Variants in EPAS1 observed in about 807,000 individuals in gnomAD.
EPAS1 encodes endothelial PAS domain-containing protein 1.
A neutral mutation model predicts 87.9 loss-of-function variants in EPAS1; 23 were observed. The observed-to-expected ratio is 0.26, with a 90% CI of 0.19 to 0.37. EPAS1 has a LOEUF of 0.37. EPAS1 is among the 10% of genes least tolerant of loss of function. The pLI, the probability that EPAS1 is intolerant of heterozygous loss-of-function variation, is 1.00. For missense variants in EPAS1, 1,138 were observed against 1,120.7 expected (o/e 1.02, Z -0.22); for synonymous variants, 508 against 444.3 (o/e 1.14, Z -1.80).
Position 46,375,921 on chromosome 2 carries a change from A to T in EPAS1, c.1034+84A>T. 5 of 1,592,190 alleles carry T rather than the reference A, an allele frequency of 3.1e-6. No homozygotes were observed. Among genetic ancestry groups the T allele is most frequent in the Non-Finnish European group, 3.4e-6 (4 of 1,162,350 alleles). On this transcript the variant is annotated intron_variant, in intron 8 of 15. Coordinates refer to ENST00000263734, the MANE Select transcript of EPAS1 (RefSeq NM_001430.5). This position sits in a 1 kb window ranked among gnomAD's most constrained non-coding sequence, Gnocchi z 4.1. ...CCAGACTCAGGATGACAGGCCTAGG[A>T]GATGCCAGGCCTCTCAGCGCCCTGG...
intron 6 of EPAS1, among the ~76,000 whole-genome samples, chr2:46,366,592 G>A (rs140607746): frequency 5.7e-3 from 864 of 152,198 alleles, no homozygotes; most frequent in Middle Eastern, 0.01. Flanking sequence ...TTGAAATCTG[G>A]TGAATTAAGT....
At chr2:46,310,864 A>G (rs1159727866) in intron 1 of EPAS1, among the ~76,000 whole-genome samples, 1 of 151,866 alleles carries the variant, frequency 6.6e-6, no homozygotes, top group South Asian at 2.1e-4. Flanking sequence ...TTAACCTCAC[A>G]ATGACAACTG....
intron 1 of EPAS1, among the ~76,000 whole-genome samples, chr2:46,337,572 G>C (rs1445590823): frequency 2.0e-5 from 3 of 152,136 alleles, no homozygotes; most frequent in African/African-American, 7.2e-5. Context: ...CAATTTCTTT[G>C]TCAATTTTCT....
intron 1 of EPAS1, among the ~76,000 whole-genome samples, chr2:46,336,309 C>A (rs1160272843): frequency 1.3e-5 from 2 of 152,100 alleles, no homozygotes; most frequent in Admixed American, 6.5e-5. Flanking sequence ...CTGGTACTTA[C>A]AGCACAGTTA....
At chr2:46,315,021 A>C (rs1683283789) in intron 1 of EPAS1, among the ~76,000 whole-genome samples, 1 of 152,112 alleles carries the variant, frequency 6.6e-6, no homozygotes, top group Non-Finnish European at 1.5e-5. Flanking sequence ...ACTAGGTCAC[A>C]CTGCACTCCC....
At chr2:46,343,894 G>T (rs1245689554) in intron 1 of EPAS1, among the ~76,000 whole-genome samples, 1 of 152,240 alleles carries the variant, frequency 6.6e-6, no homozygotes, top group Non-Finnish European at 1.5e-5. Context: ...TCTGTTTCCA[G>T]ATCTGTGAAA....
intron 1 of EPAS1, among the ~76,000 whole-genome samples, chr2:46,322,655 AT>A (rs1683474933): frequency 6.6e-6 from 1 of 152,216 alleles, no homozygotes; most frequent in African/African-American, 2.4e-5. Context: ...CCATTTATAG[AT>A]GAGGAGCTGA....
At chr2:46,305,086 G>T (rs1266231480) in intron 1 of EPAS1, among the ~76,000 whole-genome samples, 1 of 152,202 alleles carries the variant, frequency 6.6e-6, no homozygotes. Context: ...GTGCATCACA[G>T]TCGATGTGGT....
chr2:46,344,852 C>T (rs1026922498), intron 1 of EPAS1, among the ~76,000 whole-genome samples: 3 of 152,286 alleles, frequency 2.0e-5, no homozygotes, highest in Admixed American at 6.5e-5. Flanking sequence ...TCCTTTAATC[C>T]GAGTATATGA....
chr2:46,375,576 CCT>C lies in EPAS1; in HGVS notation c.887-113_887-112del, dbSNP rs1684727080. On this transcript the variant is annotated intron_variant, in intron 7 of 15. Coordinates refer to ENST00000263734, the MANE Select transcript of EPAS1 (RefSeq NM_001430.5). The surrounding 1 kb of genome is among the most constrained non-coding windows in gnomAD (Gnocchi z 4.1). The stretch of plus-strand genomic sequence containing the variant: ...TCCCTGGTCCTCACTGTCGTGGCGC[CCT>C]GTTCTGTCTGTTCCCCTGCAGATTA... The C allele has an allele frequency of 2.2e-6, 3 of 1,340,628 alleles. No individual in the cohort carries two copies. Among genetic ancestry groups the C allele is most frequent in the Non-Finnish European group, 3.1e-6 (3 of 958,582 alleles). The allele number at this position is 1,340,628 out of a possible 1,614,324, so 83.0% of individuals were successfully genotyped here. A position where few individuals can be genotyped will look rare whatever the true frequency, so the allele number is the denominator to read the frequency against.
intron 1 of EPAS1, among the ~76,000 whole-genome samples, chr2:46,303,307 A>G (rs1245264363): frequency 6.6e-6 from 1 of 152,212 alleles, no homozygotes; most frequent in Non-Finnish European, 1.5e-5. Flanking sequence ...GCTGACCACC[A>G]GCTTAAAGAC....
In EPAS1 at chr2:46,356,136, C is replaced by CT. The variant is rs747412289; in HGVS notation, c.218-15_218-14insT. The CT allele has an allele frequency of 3.1e-6, 4 of 1,274,964 alleles. No homozygotes were observed. Among genetic ancestry groups the CT allele is most frequent in the Non-Finnish European group, 4.4e-6 (4 of 912,430 alleles). The allele number at this position is 1,274,964 out of a possible 1,614,324, so 79.0% of individuals were successfully genotyped here. On this transcript the variant is annotated splice_polypyrimidine_tract_variant and intron_variant, in intron 2 of 15. Transcript: ENST00000263734. ...CCACATTCATGCAAGCTGTCCCACC[C>CT]CCCCCCCTTTCCAGTTTGCTCTGAA...
intron 2 of EPAS1, among the ~76,000 whole-genome samples, chr2:46,352,874 C>T (rs1420593083): frequency 6.6e-6 from 1 of 152,340 alleles, no homozygotes; most frequent in African/African-American, 2.4e-5. Context: ...CCAGCTGACC[C>T]GATGCTGCTG....
In EPAS1 at chr2:46,382,472, C is replaced by T. The variant is rs757893563; in HGVS notation, c.2335C>T (p.His779Tyr). The change falls in exon 15 of 16, where the codon CAT becomes TAT. Residue 779 changes from histidine to tyrosine, a missense_variant. Transcript: ENST00000263734. ...PMRGLGHPLR[H>Y]LPLPQPPSAI... is the part of the protein sequence containing the mutation. ...GAGGGGCCTGGGCCATCCCCTGAGA[C>T]ATCTGCCGCTGCCACAGCCTCCATC... The T allele has an allele frequency of 1.2e-6, 2 of 1,614,156 alleles. No individual in the cohort carries two copies. The highest frequency in any genetic ancestry group is 1.7e-6 in the Non-Finnish European group (2 of 1,180,036).
In EPAS1 at chr2:46,382,071, A is replaced by T; in HGVS notation, c.2269A>T (p.Ser757Cys). The change falls in exon 14 of 16, where the codon AGC (serine) becomes TGC (cysteine). Residue 757 changes from serine (S) to cysteine (C), a missense_variant. This residue lies in a region of EPAS1 where 502 missense variants were observed against 427.1 expected (regional missense o/e 1.18). Transcript: ENST00000263734. ...SCPLMPDKPL[S>C]ANVPNDKFTQ... is the part of the protein sequence containing the mutation. ...CCCTTTGATGCCGGACAAGCCACTG[A>T]GCGCAAATGTACCCAATGGTGAGCA... The T allele has an allele frequency of 1.9e-6, 3 of 1,614,018 alleles. No homozygotes were observed. The highest frequency in any genetic ancestry group is 2.5e-6 in the Non-Finnish European group (3 of 1,180,012).
At chr2:46,344,037 G>T (rs747636723) in intron 1 of EPAS1, among the ~76,000 whole-genome samples, 1 of 152,248 alleles carries the variant, frequency 6.6e-6, no homozygotes. Context: ...GGCTTATGTA[G>T]GCATTGGCTT....
chr2:46,317,915 C>A (rs1683373425), intron 1 of EPAS1, among the ~76,000 whole-genome samples: 1 of 152,202 alleles, frequency 6.6e-6, no homozygotes, highest in Admixed American at 6.5e-5. Context: ...TTTCTTAATG[C>A]AGCTTCCTTA....
chr2:46,305,561 A>G (rs1683093019), intron 1 of EPAS1, among the ~76,000 whole-genome samples: 1 of 152,196 alleles, frequency 6.6e-6, no homozygotes, highest in African/African-American at 2.4e-5. Flanking sequence ...ATGTGGAAAA[A>G]TATTTCAGAA....
At chr2:46,356,621 A>C in intron 3 of EPAS1, 103 bp from the exon 4 acceptor site, 3 of 925,884 alleles carry the variant, frequency 3.2e-6, no homozygotes, top group Non-Finnish European at 5.4e-6. Context: ...AACCCAATTC[A>C]GTCTCCTCCC....
Sources: gnomAD v4.1 joint callset for allele counts (sites outside exome capture counted in the v4.1 genomes callset) on GRCh38, gnomAD v4.1.1 for gene constraint, gnomAD v4.1.1 regional missense constraint, Gnocchi (gnomAD v3.1) non-coding constraint, MANE v1.5 for transcripts, NCBI Gene and HGNC (gene_info 2026-07-23, HGNC 2026-07-21) for gene names.